CSRNP3: variants seen among roughly 807,000 people sequenced by gnomAD.
CSRNP3 encodes cysteine/serine-rich nuclear protein 3.
A neutral mutation model predicts 48.0 loss-of-function variants in CSRNP3; 12 were observed. That is an observed-to-expected ratio of 0.25 (90% CI 0.16 to 0.41). CSRNP3 has a LOEUF of 0.41. CSRNP3 is among the 10% of genes least tolerant of loss of function. CSRNP3 has a pLI of 1.00. For missense variants in CSRNP3, 580 were observed against 724.4 expected (o/e 0.80, Z 2.29); for synonymous variants, 263 against 269.7 (o/e 0.98, Z 0.24).
At chr2:165,621,028 AT>A (rs1686329907) in intron 4 of CSRNP3, among the ~76,000 whole-genome samples, 1 of 152,072 alleles carries the variant, frequency 6.6e-6, no homozygotes, top group Non-Finnish European at 1.5e-5. Context: ...AATGACCATC[AT>A]ATAGGTAACC....
Position 165,679,762 on chromosome 2 carries a change from A to G in CSRNP3, c.*9A>G, listed in dbSNP as rs768999404. On this transcript the variant is annotated 3_prime_UTR_variant, in exon 7 of 7. Coordinates refer to ENST00000651982, the MANE Select transcript of CSRNP3 (RefSeq NM_001172173.2). ...AGACAGTCCCTGTTTAGTAGCTTAA[A>G]TTATTCTAGGACCAACTCTTCTCTT... 1.2e-6 allele frequency: 2 copies of G among 1,607,138 alleles called. No individual in the cohort carries two copies. The highest frequency in any genetic ancestry group is 4.5e-5 in the East Asian group (2 of 44,762).
chr2:165,671,121 A>G (rs1332119340), intron 5 of CSRNP3, among the ~76,000 whole-genome samples: 1 of 152,208 alleles, frequency 6.6e-6, no homozygotes, highest in Non-Finnish European at 1.5e-5. Flanking sequence ...AGCATACTGA[A>G]AGAGGAGTCA....
chr2:165,554,740 A>G lies in CSRNP3; in HGVS notation c.-24+36779A>G, dbSNP rs965544387. ...GCCTCCTAATGAGGCCCCTGATTCC[A>G]CCTTGCTCTCCTTTCAAACAGCCAG... On this transcript the variant is annotated intron_variant, in intron 3 of 6. Transcript: ENST00000651982. Among the ~76,000 whole-genome samples the G allele has an allele frequency of 2.6e-5, 4 of 152,142 alleles. No individual in the cohort carries two copies. In the East Asian group the frequency reaches 7.7e-4, roughly 29 times the overall value.
chr2:165,545,212 T>A (rs959928747), intron 3 of CSRNP3, among the ~76,000 whole-genome samples: 13 of 152,078 alleles, frequency 8.5e-5, no homozygotes, highest in Admixed American at 7.2e-4. Context: ...AGAGAATGGG[T>A]GGAGAAGATT....
chr2:165,558,924 T>C (rs1471845537), intron 3 of CSRNP3, among the ~76,000 whole-genome samples: 1 of 152,152 alleles, frequency 6.6e-6, no homozygotes, highest in African/African-American at 2.4e-5. Context: ...CCGATAGGCA[T>C]AGATTGCTGA....
rs779488435 is a variant in CSRNP3, at chr2:165,682,701, C to T, written c.*2948C>T. On this transcript the variant is annotated 3_prime_UTR_variant, in exon 7 of 7. Coordinates refer to ENST00000651982, the MANE Select transcript of CSRNP3 (RefSeq NM_001172173.2). ...AGAAAAGCTGAGAGAGCACACTGTT[C>T]CAGCTGACTTTTTTTTCCATTAATA... 1.3e-5 allele frequency: 2 copies of T among 152,184 alleles called. No individual in the cohort carries two copies. The highest frequency in any genetic ancestry group is 2.9e-5 in the Non-Finnish European group (2 of 68,004). 9.4% of individuals were successfully genotyped at this position (152,184 alleles called of 1,614,324 possible).
At chr2:165,607,538 T>C (rs773033789) in intron 4 of CSRNP3, among the ~76,000 whole-genome samples, 8 of 152,212 alleles carry the variant, frequency 5.3e-5, no homozygotes, top group Non-Finnish European at 1.2e-4. Flanking sequence ...AAATTGCTTC[T>C]GTGCTATAAA....
Position 165,585,851 on chromosome 2 carries a change from C to T in CSRNP3, c.-23-9192C>T, listed in dbSNP as rs558081458. Among the ~76,000 whole-genome samples, 45 of 152,280 alleles carry T rather than the reference C, an allele frequency of 3.0e-4. 1 individual carries two copies. Among genetic ancestry groups the T allele is most frequent in the African/African-American group, 1.0e-3 (43 of 41,568 alleles). On this transcript the variant is annotated intron_variant, in intron 3 of 6. Transcript: ENST00000651982. ...TCCTTGCAGTTAAAAGTTACTCTCACTTTGCTTAAATACAAAATCAGCAAT... is the reference window on the plus strand; with the variant it reads ...TCCTTGCAGTTAAAAGTTACTCTCATTTTGCTTAAATACAAAATCAGCAAT...
chr2:165,592,771 G>A (rs1685739253), intron 3 of CSRNP3, among the ~76,000 whole-genome samples: 1 of 150,108 alleles, frequency 6.7e-6, no homozygotes, highest in Admixed American at 6.6e-5. Context: ...CCCCAGCCAT[G>A]TGTAACTGTG....
At chr2:165,572,648 T>A (rs1685390397) in intron 3 of CSRNP3, 1 of 152,216 alleles carries the variant, frequency 6.6e-6, no homozygotes, top group South Asian at 2.1e-4. Context: ...TAAATTAGAA[T>A]GGGCTGGTGT....
intron 4 of CSRNP3, among the ~76,000 whole-genome samples, chr2:165,602,314 A>T (rs2105302399): frequency 6.6e-6 from 1 of 152,294 alleles, no homozygotes; most frequent in South Asian, 2.1e-4. Context: ...CAGCATAGAT[A>T]AAGGTGCCTC....
intron 4 of CSRNP3, among the ~76,000 whole-genome samples, chr2:165,645,891 T>A (rs1490949417): frequency 6.6e-6 from 1 of 151,262 alleles, no homozygotes. Context: ...TGTTTTGTTT[T>A]GTTTTGTGTT....
At chr2:165,486,259 C>T (rs577564066) in intron 1 of CSRNP3, among the ~76,000 whole-genome samples, 18 of 152,156 alleles carry the variant, frequency 1.2e-4, no homozygotes, top group South Asian at 1.0e-3. Context: ...CGGTGCACCA[C>T]GAGACTATAT....
intron 2 of CSRNP3, among the ~76,000 whole-genome samples, chr2:165,509,037 C>T (rs969782501): frequency 2.6e-5 from 4 of 152,126 alleles, no homozygotes; most frequent in Admixed American, 6.5e-5. Context: ...AAAATACATA[C>T]TCCTATCAGC....
At chr2:165,620,414 A>G (rs1209012246) in intron 4 of CSRNP3, among the ~76,000 whole-genome samples, 4 of 152,148 alleles carry the variant, frequency 2.6e-5, no homozygotes, top group Admixed American at 6.5e-5. Context: ...TATTTTTCCA[A>G]TTAAAAGATG....
intron 5 of CSRNP3, among the ~76,000 whole-genome samples, chr2:165,666,303 GAGGA>G (rs1424249120): frequency 2.2e-5 from 3 of 137,140 alleles, no homozygotes; most frequent in African/African-American, 8.5e-5. Context: ...AAGAAAGAGA[GAGGA>G]AGGAAGGAAA....
chr2:165,558,255 A>C (rs1280634852), intron 3 of CSRNP3, among the ~76,000 whole-genome samples: 1 of 152,196 alleles, frequency 6.6e-6, no homozygotes, highest in Non-Finnish European at 1.5e-5. Flanking sequence ...TACTCTACTC[A>C]TTCACTGCCA....
At position 165,687,688 on chromosome 2, in the gene CSRNP3, G is replaced by T. The variant is rs756984009; in HGVS notation, c.*7935G>T. On this transcript the variant is annotated 3_prime_UTR_variant, in exon 7 of 7. Coordinates refer to ENST00000651982, the MANE Select transcript of CSRNP3 (RefSeq NM_001172173.2). ...TGTGTTATTTAAACAATGGCTTCCTGCTTTCTCAGGGGTCAGGAAAATGAT... is the reference window on the plus strand; with the variant it reads ...TGTGTTATTTAAACAATGGCTTCCTTCTTTCTCAGGGGTCAGGAAAATGAT... The T allele has an allele frequency of 2.0e-5, 3 of 152,002 alleles. No individual in the cohort carries two copies. The highest frequency in any genetic ancestry group is 6.6e-5 in the Admixed American group (1 of 15,232). 9.4% of individuals were successfully genotyped at this position (152,002 alleles called of 1,614,324 possible). A position where few individuals can be genotyped will look rare whatever the true frequency, so the allele number is the denominator to read the frequency against.
rs1685679485 is a variant in CSRNP3 at position 165,589,265 on chromosome 2, G to T, written c.-23-5778G>T. ...TTTTCTTTCCTAGAAAGATAATGTA[G>T]GTGATATAGAAGAAAACCACATCTC... is the stretch of plus-strand genomic sequence containing the variant. On this transcript the variant is annotated intron_variant, in intron 3 of 6. Coordinates refer to ENST00000651982, the MANE Select transcript of CSRNP3 (RefSeq NM_001172173.2). 3.3e-5 allele frequency among the ~76,000 whole-genome samples: 5 copies of T among 152,076 alleles called. No homozygotes were observed. The South Asian group carries it at 1.0e-3, about 32-fold the overall frequency.
Sources: gnomAD v4.1 joint callset for allele counts (sites outside exome capture counted in the v4.1 genomes callset) on GRCh38, gnomAD v4.1.1 for gene constraint, MANE v1.5 for transcripts, NCBI Gene and HGNC (gene_info 2026-07-23, HGNC 2026-07-21) for gene names.